PRKCE: variants seen among roughly 807,000 people sequenced by gnomAD.
The protein encoded by PRKCE is protein kinase C epsilon type.
In PRKCE, 16 loss-of-function variants were observed where a neutral mutation model predicts 85.4. The ratio of observed to expected loss-of-function variants is 0.19; its 90% CI spans 0.13 to 0.28. PRKCE has a LOEUF of 0.28. Ranked by LOEUF, PRKCE falls within the 10% of genes least tolerant of loss-of-function variation. PRKCE has a pLI of 1.00. For missense variants in PRKCE, 573 were observed against 975.2 expected (o/e 0.59, Z 5.49); for synonymous variants, 388 against 371.5 (o/e 1.04, Z -0.51).
At chr2:45,784,303 G>T (rs1359949371) in intron 1 of PRKCE, among the ~76,000 whole-genome samples, 1 of 152,254 alleles carries the variant, frequency 6.6e-6, no homozygotes, top group Non-Finnish European at 1.5e-5. Flanking sequence ...TGTTGACAAG[G>T]CCCCTGTAGG....
At chr2:45,937,725 A>T (rs1378055500) in intron 2 of PRKCE, among the ~76,000 whole-genome samples, 1 of 152,174 alleles carries the variant, frequency 6.6e-6, no homozygotes, top group African/African-American at 2.4e-5. Context: ...AAAGAAAAAA[A>T]AAAAGAAAGA....
chr2:46,009,426 A>G (rs1705474090), intron 9 of PRKCE, among the ~76,000 whole-genome samples: 1 of 152,232 alleles, frequency 6.6e-6, no homozygotes, highest in African/African-American at 2.4e-5. Context: ...CAGTCAGAAA[A>G]CAGTTAATTT....
chr2:45,829,523 G>A (rs1309758449), intron 1 of PRKCE, among the ~76,000 whole-genome samples: 4 of 152,180 alleles, frequency 2.6e-5, no homozygotes, highest in African/African-American at 9.7e-5. Flanking sequence ...CTATTTCAGA[G>A]AATTTCTGGG....
Position 46,151,091 on chromosome 2 carries a change from G to T in PRKCE, c.1782G>T (p.Gly594=). Residue 594 remains glycine (G), a synonymous_variant, in exon 13 of 15, where the codon GGG becomes GGT. Transcript: ENST00000306156. ...YGPSVDWWAL[G]VLMYEMMAGQ... is the part of the protein sequence containing the mutation. ...CCTCCGTGGACTGGTGGGCCCTGGG[G>T]GTGCTGATGTACGAGATGATGGCTG... 6.3e-7 allele frequency: 1 copy of T among 1,599,546 alleles called. No homozygotes were observed. Among genetic ancestry groups the T allele is most frequent in the Non-Finnish European group, 8.5e-7 (1 of 1,179,914 alleles).
intron 8 of PRKCE, among the ~76,000 whole-genome samples, chr2:46,005,284 C>T (rs1400032097): frequency 1.3e-5 from 2 of 152,184 alleles, no homozygotes; most frequent in African/African-American, 4.8e-5. Flanking sequence ...AATAATTCTG[C>T]AGCCATCCGA....
At chr2:45,951,424 A>T (rs2104335771) in intron 2 of PRKCE, among the ~76,000 whole-genome samples, 1 of 151,912 alleles carries the variant, frequency 6.6e-6, no homozygotes, top group Non-Finnish European at 1.5e-5. Flanking sequence ...TTCCTCCCTA[A>T]CTCTGACTTC....
At chr2:45,934,522 G>T (rs562020283) in intron 2 of PRKCE, among the ~76,000 whole-genome samples, 1 of 152,150 alleles carries the variant, frequency 6.6e-6, no homozygotes, top group East Asian at 1.9e-4. Flanking sequence ...GGTGGCACAT[G>T]CCTGTAATTC....
At chr2:46,135,952 G>A (rs1029470345) in intron 11 of PRKCE, among the ~76,000 whole-genome samples, 3 of 151,630 alleles carry the variant, frequency 2.0e-5, no homozygotes, top group African/African-American at 7.3e-5. Flanking sequence ...TTTCTCTCAA[G>A]TGTATTGTTA....
chr2:45,993,236 T>A (rs1265557231), intron 6 of PRKCE, among the ~76,000 whole-genome samples: 1 of 152,200 alleles, frequency 6.6e-6, no homozygotes, highest in Non-Finnish European at 1.5e-5. Context: ...ACGCCCACTG[T>A]CCTTTGCTGG....
intron 1 of PRKCE, among the ~76,000 whole-genome samples, chr2:45,777,392 A>G (rs1685834533): frequency 1.3e-5 from 2 of 152,228 alleles, no homozygotes; most frequent in South Asian, 2.1e-4. Context: ...GTTTAGAGCC[A>G]CCGTGAACCT....
chr2:45,810,315 A>G (rs1333201514), intron 1 of PRKCE, among the ~76,000 whole-genome samples: 1 of 152,156 alleles, frequency 6.6e-6, no homozygotes. Flanking sequence ...TGCTGGGATT[A>G]CAGGCGTGAA....
intron 1 of PRKCE, among the ~76,000 whole-genome samples, chr2:45,719,934 C>A (rs546210478): frequency 3.7e-4 from 57 of 152,210 alleles, no homozygotes; most frequent in African/African-American, 1.3e-3. Flanking sequence ...CTAAAAACAA[C>A]AACAACGACA....
intron 1 of PRKCE, among the ~76,000 whole-genome samples, chr2:45,728,198 C>T (rs1341483454): frequency 6.6e-6 from 1 of 152,196 alleles, no homozygotes; most frequent in African/African-American, 2.4e-5. Context: ...TGAGAAGCTA[C>T]TCTAAATAAA....
intron 2 of PRKCE, among the ~76,000 whole-genome samples, chr2:45,956,017 T>C (rs1445105950): frequency 6.6e-6 from 1 of 152,252 alleles, no homozygotes; most frequent in Non-Finnish European, 1.5e-5. Context: ...TTTCAGTGCC[T>C]ATAACTGCTT....
rs1435226229 is a variant in PRKCE, at chr2:45,786,159, G to T, written c.349-56841G>T. 1.3e-5 allele frequency among the ~76,000 whole-genome samples: 2 copies of T among 152,184 alleles called. No homozygotes were observed. The highest frequency in any genetic ancestry group is 1.9e-4 in the East Asian group (1 of 5,192). On this transcript the variant is annotated intron_variant, in intron 1 of 14. Transcript: ENST00000306156. The surrounding 1 kb of genome is among the most constrained non-coding windows in gnomAD (Gnocchi z 5.3). Reference sequence around the variant, plus strand: ...ATGAGCAATGTATTATTAGCAAGGGGCATTGATTGCAGTCTGCCAGTGACT... The same window carrying T: ...ATGAGCAATGTATTATTAGCAAGGGTCATTGATTGCAGTCTGCCAGTGACT...
At chr2:46,118,842 C>G (rs1157857871) in intron 11 of PRKCE, among the ~76,000 whole-genome samples, 1 of 152,138 alleles carries the variant, frequency 6.6e-6, no homozygotes, top group African/African-American at 2.4e-5. Context: ...AGCAATGGCC[C>G]CAGGGAGTCT....
chr2:46,162,458 G>A (rs1677871861), intron 14 of PRKCE, among the ~76,000 whole-genome samples: 1 of 152,134 alleles, frequency 6.6e-6, no homozygotes, highest in Non-Finnish European at 1.5e-5. Context: ...CTTCATCGTT[G>A]CCTTGAAGTG....
chr2:45,778,162 G>T (rs1573317670), intron 1 of PRKCE, among the ~76,000 whole-genome samples: 1 of 152,144 alleles, frequency 6.6e-6, no homozygotes, highest in South Asian at 2.1e-4. Context: ...TGGGGTTGGT[G>T]GGTGGAGTTT....
At chr2:45,822,174 A>G (rs980648830) in intron 1 of PRKCE, among the ~76,000 whole-genome samples, 3 of 152,212 alleles carry the variant, frequency 2.0e-5, no homozygotes, top group Non-Finnish European at 4.4e-5. Flanking sequence ...TAGATATCAA[A>G]TTTGTGTGTG....
Sources: allele counts gnomAD v4.1 joint callset (sites outside exome capture counted in the v4.1 genomes callset), GRCh38; gene constraint gnomAD v4.1.1; non-coding constraint Gnocchi (gnomAD v3.1); transcripts MANE v1.5; gene names NCBI Gene and HGNC (gene_info 2026-07-23, HGNC 2026-07-21).